Variants in BCL2L1 observed in about 807,000 individuals in gnomAD.
BCL2L1 encodes bcl-2-like protein 1.
In BCL2L1, 1 loss-of-function variant was observed where a neutral mutation model predicts 18.7. That is an observed-to-expected ratio of 0.05 (90% CI 0.02 to 0.25). The LOEUF (loss-of-function observed/expected upper bound fraction) is 0.25. BCL2L1 is among the 10% of genes least tolerant of loss of function. The pLI is 1.00. For missense variants in BCL2L1, 207 were observed against 304.9 expected (o/e 0.68, Z 2.39); for synonymous variants, 103 against 122.7 (o/e 0.84, Z 1.06).
intron 2 of BCL2L1, among the ~76,000 whole-genome samples, chr20:31,684,851 A>G (rs1044395596): frequency 1.3e-5 from 2 of 152,208 alleles, no homozygotes; most frequent in Non-Finnish European, 2.9e-5. Flanking sequence ...GGTTGGTTGC[A>G]TACAAAGAAA....
At chr20:31,700,290 A>T (rs2061255152) in intron 2 of BCL2L1, among the ~76,000 whole-genome samples, 1 of 152,086 alleles carries the variant, frequency 6.6e-6, no homozygotes, top group Non-Finnish European at 1.5e-5. Context: ...CCCCACACTT[A>T]ACTCCTCCCC....
chr20:31,693,369 G>A (rs1277734604), intron 2 of BCL2L1, among the ~76,000 whole-genome samples: 1 of 151,864 alleles, frequency 6.6e-6, no homozygotes, highest in Non-Finnish European at 1.5e-5. Flanking sequence ...GATCACTTGA[G>A]CCCAGAGGTT....
At chr20:31,722,573 T>G in intron 1 of BCL2L1, 45 bp downstream of exon 1, 1 of 170,712 alleles carries the variant, frequency 5.9e-6, no homozygotes. Context: ...AGTCACTCCC[T>G]GGGCAGTCCC....
At chr20:31,709,840 C>CAAAAAAAAAA (rs56937786) in intron 2 of BCL2L1, among the ~76,000 whole-genome samples, 40 of 64,058 alleles carry the variant, frequency 6.2e-4, no homozygotes, top group Non-Finnish European at 7.6e-4. Flanking sequence ...GACTCCATCT[C>CAAAAAAAAAA]AAAAAAAAAA....
chr20:31,665,840 T>A lies in BCL2L1; in HGVS notation c.*109A>T. ...TGGGCCCAACCCTGTGATGGGCAGGTGGGCATGGGCTGCATGTAGTGGTTC... is the reference window on the plus strand; with the variant it reads ...TGGGCCCAACCCTGTGATGGGCAGGAGGGCATGGGCTGCATGTAGTGGTTC... On this transcript the variant is annotated 3_prime_UTR_variant, in exon 3 of 3. Coordinates refer to ENST00000307677, the MANE Select transcript of BCL2L1 (RefSeq NM_138578.3). The A allele has an allele frequency of 7.0e-7, 1 of 1,427,066 alleles. No individual in the cohort carries two copies. The highest frequency in any genetic ancestry group is 1.4e-5 in the African/African-American group (1 of 70,564). 88.4% of individuals were successfully genotyped at this position (1,427,066 alleles called of 1,614,324 possible).
chr20:31,696,561 T>A (rs928498916), intron 2 of BCL2L1, among the ~76,000 whole-genome samples: 1 of 152,286 alleles, frequency 6.6e-6, no homozygotes, highest in East Asian at 1.9e-4. Context: ...CGTACCAAGG[T>A]CTCCCAGTCA....
chr20:31,709,906 G>A (rs1464671764), intron 2 of BCL2L1, among the ~76,000 whole-genome samples: 1 of 145,802 alleles, frequency 6.9e-6, no homozygotes, highest in Non-Finnish European at 1.5e-5. Context: ...GGCCAGCCTC[G>A]AACTCCTGAT....
At position 31,666,100 on chromosome 20, in the gene BCL2L1, G is replaced by A; in HGVS notation, c.565-14C>T. 1 of 1,613,876 alleles carries A rather than the reference G, an allele frequency of 6.2e-7. No individual in the cohort carries two copies. Among genetic ancestry groups the A allele is most frequent in the Non-Finnish European group, 8.5e-7 (1 of 1,179,840 alleles). ...CACAAAAGTATCCTGCAGGGAGAGA[G>A]AAGGAAGGTGCAGTTTTAGTCCTCA... On this transcript the variant is annotated splice_polypyrimidine_tract_variant and intron_variant, in intron 2 of 2. Transcript: ENST00000307677.
chr20:31,714,297 G>A (rs1462579186), intron 2 of BCL2L1, among the ~76,000 whole-genome samples: 1 of 152,198 alleles, frequency 6.6e-6, no homozygotes, highest in African/African-American at 2.4e-5. Flanking sequence ...TGGCCAAGGT[G>A]AGACTGAGAG....
At chr20:31,670,452 G>C (rs1286732103) in intron 2 of BCL2L1, among the ~76,000 whole-genome samples, 1 of 152,222 alleles carries the variant, frequency 6.6e-6, no homozygotes, top group Non-Finnish European at 1.5e-5. Context: ...GAACTTTCCT[G>C]AAGTAGACGG....
chr20:31,693,684 C>G (rs1244678373), intron 2 of BCL2L1, among the ~76,000 whole-genome samples: 2 of 152,156 alleles, frequency 1.3e-5, no homozygotes, highest in African/African-American at 4.8e-5. Context: ...GCGTGCACCA[C>G]CACGCCCAGC....
chr20:31,697,136 G>A (rs1333806125), intron 2 of BCL2L1, among the ~76,000 whole-genome samples: 1 of 151,806 alleles, frequency 6.6e-6, no homozygotes, highest in Non-Finnish European at 1.5e-5. Flanking sequence ...TAAAATGGAT[G>A]TCACAGGGCA....
intron 2 of BCL2L1, among the ~76,000 whole-genome samples, chr20:31,675,041 C>A (rs1244018187): frequency 6.6e-6 from 1 of 152,104 alleles, no homozygotes. Context: ...CTGAGGGGAA[C>A]TGGTGCCACA....
intron 2 of BCL2L1, among the ~76,000 whole-genome samples, chr20:31,702,521 T>G (rs1001621129): frequency 1.3e-5 from 2 of 151,932 alleles, no homozygotes; most frequent in African/African-American, 4.8e-5. Flanking sequence ...TTTTTTTATT[T>G]TTATTTTTTG....
At chr20:31,666,165 T>C in intron 2 of BCL2L1, 79 bp from the exon 3 acceptor site, 1 of 1,528,358 alleles carries the variant, frequency 6.5e-7, no homozygotes, top group Non-Finnish European at 9.0e-7. Context: ...GCCATCTGCA[T>C]GCTATGGCCT....
At position 31,672,089 on chromosome 20, in the gene BCL2L1, C is replaced by G. The variant is rs1232757358; in HGVS notation, c.565-6003G>C. On this transcript the variant is annotated intron_variant, in intron 2 of 2. Transcript: ENST00000307677. ...AAAAAGGTTGAGAAACCCTGTCTTA[C>G]TGGGAAGCAGAGAGGATAACAAGAA... Among the ~76,000 whole-genome samples the G allele has an allele frequency of 2.0e-5, 3 of 150,508 alleles. No homozygotes were observed. In the East Asian group the frequency reaches 5.8e-4, roughly 29 times the overall value.
intron 2 of BCL2L1, among the ~76,000 whole-genome samples, chr20:31,687,042 G>C (rs74938101): frequency 0.013 from 1,947 of 152,324 alleles, 18 homozygotes; most frequent in Non-Finnish European, 0.018. Context: ...CACTGGCCGA[G>C]TCTGGTGGCT....
intron 2 of BCL2L1, among the ~76,000 whole-genome samples, chr20:31,697,268 C>T (rs1262658105): frequency 3.3e-5 from 5 of 152,110 alleles, no homozygotes; most frequent in East Asian, 1.9e-4. Context: ...AGGGACAGGC[C>T]ATTAGATAAG....
Position 31,682,291 on chromosome 20 carries a change from T to C in BCL2L1, c.565-16205A>G, listed in dbSNP as rs536839254. 1.2e-4 allele frequency among the ~76,000 whole-genome samples: 18 copies of C among 152,328 alleles called. 1 individual carries two copies. The East Asian group carries it at 3.5e-3, about 29-fold the overall frequency. ...TTATCTGCTTATTCTAGGCTGAGCT[T>C]CAAGTTCTTGTTCTCTGTGAATGGG... is the stretch of plus-strand genomic sequence containing the variant. On this transcript the variant is annotated intron_variant, in intron 2 of 2. Coordinates refer to ENST00000307677, the MANE Select transcript of BCL2L1 (RefSeq NM_138578.3).
Sources: gnomAD v4.1 joint callset for allele counts (sites outside exome capture counted in the v4.1 genomes callset) on GRCh38, gnomAD v4.1.1 for gene constraint, MANE v1.5 for transcripts, NCBI Gene and HGNC (gene_info 2026-07-23, HGNC 2026-07-21) for gene names.